Variants in HMGA2 observed in about 807,000 individuals in gnomAD.
HMGA2 encodes high mobility group AT-hook 2.
In HMGA2, 8 loss-of-function variants were observed where a neutral mutation model predicts 19.1. The observed-to-expected ratio is 0.42, with a 90% CI of 0.25 to 0.76. The LOEUF (loss-of-function observed/expected upper bound fraction) is 0.76. Ranked by LOEUF, HMGA2 falls within the 30% of genes least tolerant of loss-of-function variation. The probability of loss-of-function intolerance (pLI) is 0.28; values close to 1 mark genes in which losing one functional copy is unlikely to be tolerated. For synonymous variants in HMGA2, 60 were observed against 48.8 expected (o/e 1.23, Z -0.96); for missense variants, 109 against 136.3 (o/e 0.80, Z 1.00).
At chr12:65,940,552 T>C (rs1876056567) in intron 3 of HMGA2, among the ~76,000 whole-genome samples, 1 of 152,238 alleles carries the variant, frequency 6.6e-6, no homozygotes, top group Non-Finnish European at 1.5e-5. Flanking sequence ...TTATTATGTT[T>C]TTAAAAACAG....
At chr12:65,910,622 G>A (rs552241256) in intron 3 of HMGA2, among the ~76,000 whole-genome samples, 8 of 152,282 alleles carry the variant, frequency 5.3e-5, no homozygotes, top group Non-Finnish European at 1.2e-4. Context: ...TTCGGTGTCT[G>A]TGGTCCCTGA....
intron 3 of HMGA2, chr12:65,935,060 G>T (rs1565737047): frequency 1.3e-5 from 2 of 152,116 alleles, no homozygotes; most frequent in African/African-American, 2.4e-5. Flanking sequence ...AGGTTTTCTT[G>T]CCCCCCAGTA....
At chr12:65,894,724 T>C (rs1390002880) in intron 3 of HMGA2, among the ~76,000 whole-genome samples, 1 of 152,218 alleles carries the variant, frequency 6.6e-6, no homozygotes, top group Non-Finnish European at 1.5e-5. Context: ...CCTCTCCCTT[T>C]TGGTGCACAG....
At position 65,875,589 on chromosome 12, in the gene HMGA2, ATTTTTTTTTTTTT is replaced by A. The variant is rs71096056; in HGVS notation, c.249+37049_249+37061del. On this transcript the variant is annotated intron_variant, in intron 3 of 4. Coordinates refer to ENST00000403681, the MANE Select transcript of HMGA2 (RefSeq NM_003483.6). ...CGGGCATATGCCACCGTGCCCGGCTATTTTTTTTTTTTTTTTTTTTTTTTTTTTTTTTTTTTTT... is the reference window on the plus strand; with the variant it reads ...CGGGCATATGCCACCGTGCCCGGCTATTTTTTTTTTTTTTTTTTTTTTTTT... Among the ~76,000 whole-genome samples the A allele has an allele frequency of 6.4e-3, 168 of 26,110 alleles. 3 individuals carry two copies. The highest frequency in any genetic ancestry group is 0.043 in the East Asian group (43 of 998). 17.1% of individuals were successfully genotyped at this position (26,110 alleles called of 152,430 possible).
rs180785066 is a variant in HMGA2 at position 65,940,184 on chromosome 12, C to G, written c.250-11199C>G. 2.7e-3 allele frequency among the ~76,000 whole-genome samples: 405 copies of G among 151,972 alleles called. 2 individuals are homozygous for G. Among genetic ancestry groups the G allele is most frequent in the African/African-American group, 8.9e-3 (369 of 41,478 alleles). On this transcript the variant is annotated intron_variant, in intron 3 of 4. Coordinates refer to ENST00000403681, the MANE Select transcript of HMGA2 (RefSeq NM_003483.6). ...AGCCTTCATAGCCTTAACTGAATTT[C>G]TTTTCTATAGAGTTTTCAAGAGGAA...
chr12:65,921,234 G>A (rs993450209), intron 3 of HMGA2, among the ~76,000 whole-genome samples: 1 of 152,270 alleles, frequency 6.6e-6, no homozygotes, highest in South Asian at 2.1e-4. Context: ...GGTGACTTGG[G>A]TACTGTTAAA....
At chr12:65,886,727 A>G (rs1873674786) in intron 3 of HMGA2, among the ~76,000 whole-genome samples, 1 of 152,112 alleles carries the variant, frequency 6.6e-6, no homozygotes, top group Non-Finnish European at 1.5e-5. Flanking sequence ...GACAACACAG[A>G]GGTGTTCGAG....
intron 3 of HMGA2, among the ~76,000 whole-genome samples, chr12:65,882,939 T>A (rs1873493523): frequency 6.6e-6 from 1 of 152,230 alleles, no homozygotes; most frequent in African/African-American, 2.4e-5. Context: ...AGCTTTGATG[T>A]TGAATTGTTT....
chr12:65,878,809 C>T (rs936530751), intron 3 of HMGA2, among the ~76,000 whole-genome samples: 1 of 152,172 alleles, frequency 6.6e-6, no homozygotes, highest in African/African-American at 2.4e-5. Context: ...GATAAACTCC[C>T]GGCCTCTGAA....
chr12:65,857,224 G>A (rs993137311), intron 3 of HMGA2: 5 of 152,144 alleles, frequency 3.3e-5, no homozygotes, highest in Non-Finnish European at 7.4e-5. Flanking sequence ...GTTGGGCTTA[G>A]TTTATTTTAA....
At chr12:65,838,949 G>T (rs1870860354) in intron 3 of HMGA2, among the ~76,000 whole-genome samples, 1 of 140,214 alleles carries the variant, frequency 7.1e-6, no homozygotes, top group Non-Finnish European at 1.5e-5. Context: ...ATGTGTATGT[G>T]ATAACTTTTT....
At chr12:65,899,979 G>A (rs1874303616) in intron 3 of HMGA2, among the ~76,000 whole-genome samples, 2 of 152,150 alleles carry the variant, frequency 1.3e-5, no homozygotes, top group African/African-American at 4.8e-5. Flanking sequence ...AAAAGAGGAG[G>A]GAAACCTTTC....
chr12:65,886,361 C>CT (rs1873654355), intron 3 of HMGA2, among the ~76,000 whole-genome samples: 2 of 147,706 alleles, frequency 1.4e-5, no homozygotes, highest in Admixed American at 6.8e-5. Flanking sequence ...TTCTTTTTCT[C>CT]TCTTTTTTTT....
chr12:65,826,316 C>G (rs184682155), intron 1 of HMGA2: 1 of 152,252 alleles, frequency 6.6e-6, no homozygotes, highest in Non-Finnish European at 1.5e-5. Context: ...AGCGTGCAGC[C>G]GGCGCTTGCA....
chr12:65,853,262 A>T (rs1179361582), intron 3 of HMGA2, among the ~76,000 whole-genome samples: 1 of 152,196 alleles, frequency 6.6e-6, no homozygotes, highest in Non-Finnish European at 1.5e-5. Context: ...GAATACTTAC[A>T]TGTGATACCG....
chr12:65,923,984 T>C (rs1379243682), intron 3 of HMGA2, among the ~76,000 whole-genome samples: 2 of 152,098 alleles, frequency 1.3e-5, no homozygotes, highest in African/African-American at 4.8e-5. Flanking sequence ...CACTCCAGCC[T>C]GGGCAACAAG....
intron 4 of HMGA2, chr12:65,954,742 C>T (rs1876556697): frequency 6.6e-6 from 1 of 152,106 alleles, no homozygotes; most frequent in African/African-American, 2.4e-5. Flanking sequence ...GTCCCATAAT[C>T]CTAATGGGAG....
At chr12:65,849,205 G>A (rs893795989) in intron 3 of HMGA2, among the ~76,000 whole-genome samples, 2 of 152,068 alleles carry the variant, frequency 1.3e-5, no homozygotes, top group African/African-American at 4.8e-5. Context: ...TTTCTTTCCT[G>A]CCATTATTCT....
At position 65,853,088 on chromosome 12, in the gene HMGA2, G is replaced by A. The variant is rs74097812; in HGVS notation, c.249+14519G>A. On this transcript the variant is annotated intron_variant, in intron 3 of 4. Transcript: ENST00000403681. ...CGTGTCTGCAGTGGTACAGTCTGAGGGGGAAGGTTGCCGACTGACGTGTGG... is the reference window on the plus strand; with the variant it reads ...CGTGTCTGCAGTGGTACAGTCTGAGAGGGAAGGTTGCCGACTGACGTGTGG... Among the ~76,000 whole-genome samples, 1,453 of 152,266 alleles carry A rather than the reference G, an allele frequency of 9.5e-3. 25 individuals are homozygous for A. Among genetic ancestry groups the A allele is most frequent in the African/African-American group, 0.034 (1,396 of 41,554 alleles).
Sources: allele counts gnomAD v4.1 joint callset (sites outside exome capture counted in the v4.1 genomes callset), GRCh38; gene constraint gnomAD v4.1.1; transcripts MANE v1.5; gene names NCBI Gene and HGNC (gene_info 2026-07-23, HGNC 2026-07-21).